ZSWIM9: variants seen among roughly 807,000 people sequenced by gnomAD.
ZSWIM9 encodes uncharacterized protein ZSWIM9.
ZSWIM9 carries 11 observed loss-of-function variants against 25.0 expected under a neutral mutation model. The observed-to-expected ratio is 0.44, with a 90% CI of 0.28 to 0.73. The LOEUF is 0.73. Ranked by LOEUF, ZSWIM9 falls within the 30% of genes least tolerant of loss-of-function variation. The pLI, the probability that ZSWIM9 is intolerant of heterozygous loss-of-function variation, is 0.16. For synonymous variants in ZSWIM9, 562 were observed against 582.1 expected, an observed-to-expected ratio of 0.97 and a Z score of 0.50; for missense variants, 1,070 against 1,296.5, an observed-to-expected ratio of 0.83 and a Z score of 2.68.
At chr19:48,179,183 C>T (rs528947123) in intron 2 of ZSWIM9, among the ~76,000 whole-genome samples, 1 of 151,998 alleles carries the variant, frequency 6.6e-6, no homozygotes, top group South Asian at 2.1e-4. Context: ...TTTTTTGAGA[C>T]AAGGTCTTGC....
At chr19:48,180,094 G>A (rs538192476) in intron 2 of ZSWIM9, among the ~76,000 whole-genome samples, 3 of 152,106 alleles carry the variant, frequency 2.0e-5, no homozygotes, top group East Asian at 3.9e-4. Context: ...TCGGCTCACC[G>A]CAACGTCCGC....
At chr19:48,192,591 A>G (rs547127274) in intron 3 of ZSWIM9, among the ~76,000 whole-genome samples, 24 of 146,126 alleles carry the variant, frequency 1.6e-4, no homozygotes, top group African/African-American at 6.1e-4. Context: ...TCTCCCACCT[A>G]CTGCTTTTGT....
chr19:48,172,009 C>T lies in ZSWIM9; in HGVS notation c.207C>T (p.Asp69=), dbSNP rs375636205. Residue 69 remains aspartate, a synonymous_variant, in exon 2 of 4, where the codon GAC becomes GAT. Coordinates refer to ENST00000614654, the MANE Select transcript of ZSWIM9 (RefSeq NM_199341.4). ...ASAPPLYTLI[D]VLKYSYVRLV... ...CGCCCCCGCTCTACACGCTCATCGACGTGCTCAAGTACAGCTACGTGCGGC... is the reference window on the plus strand; with the variant it reads ...CGCCCCCGCTCTACACGCTCATCGATGTGCTCAAGTACAGCTACGTGCGGC... 5.2e-6 allele frequency: 8 copies of T among 1,535,704 alleles called. No individual in the cohort carries two copies. The East Asian group carries it at 1.2e-4, about 23-fold the overall frequency.
In ZSWIM9 at chr19:48,196,743, C is replaced by G; in HGVS notation, c.2679C>G (p.Leu893=). Residue 893 remains leucine, a synonymous_variant, in exon 4 of 4, where the codon CTC becomes CTG. Transcript: ENST00000614654. ...HAARRLPCRH[L]FAARLLTGAA... ...CCCGCCGTCTGCCCTGCAGACACCT[C>G]TTTGCAGCGCGCCTCCTCACTGGGG... The G allele has an allele frequency of 3.2e-6, 4 of 1,233,564 alleles. No homozygotes were observed. The South Asian group carries it at 1.6e-4, about 51-fold the overall frequency. The allele number at this position is 1,233,564 out of a possible 1,614,324, so 76.4% of individuals were successfully genotyped here.
intron 3 of ZSWIM9, among the ~76,000 whole-genome samples, chr19:48,188,351 T>C (rs2037055456): frequency 6.6e-6 from 1 of 151,924 alleles, no homozygotes; most frequent in Non-Finnish European, 1.5e-5. Context: ...GCCTCTTGAG[T>C]AGCTGGGACT....
chr19:48,177,267 T>C (rs274875), intron 2 of ZSWIM9, among the ~76,000 whole-genome samples: 9,665 of 151,796 alleles, frequency 0.064, 659 homozygotes, highest in East Asian at 0.18. Flanking sequence ...GTTGTGGCAA[T>C]GGAAAAAATG....
rs1446112844 is a variant in ZSWIM9, at chr19:48,187,957, T to TAGAC, written c.588+5193_588+5194insCAGA. ...CCCTTTAAATAGATAGATAGATAGATAGATAGATAGATAGATAGATAGATA... is the reference window on the plus strand; with the variant it reads ...CCCTTTAAATAGATAGATAGATAGATAGACAGATAGATAGATAGATAGATAGATA... On this transcript the variant is annotated intron_variant, in intron 3 of 3. Coordinates refer to ENST00000614654, the MANE Select transcript of ZSWIM9 (RefSeq NM_199341.4). Among the ~76,000 whole-genome samples the TAGAC allele has an allele frequency of 1.9e-3, 267 of 144,268 alleles. 1 individual carries two copies. The highest frequency in any genetic ancestry group is 6.8e-3 in the African/African-American group (241 of 35,208). 94.6% of individuals were successfully genotyped at this position (144,268 alleles called of 152,430 possible). A position where few individuals can be genotyped will look rare whatever the true frequency, so the allele number is the denominator to read the frequency against.
At chr19:48,178,764 CA>C (rs2036919325) in intron 2 of ZSWIM9, among the ~76,000 whole-genome samples, 2 of 152,074 alleles carry the variant, frequency 1.3e-5, no homozygotes, top group African/African-American at 4.8e-5. Context: ...TTAGTAGAGA[CA>C]GGGTTTCCCC....
At chr19:48,187,441 T>TTA in intron 3 of ZSWIM9, among the ~76,000 whole-genome samples, 1 of 102,862 alleles carries the variant, frequency 9.7e-6, no homozygotes, top group Non-Finnish European at 1.8e-5. Flanking sequence ...ATATTATATA[T>TTA]ATTATATATT....
At chr19:48,172,148 G>C in intron 2 of ZSWIM9, 71 bp downstream of exon 2, 1 of 1,343,330 alleles carries the variant, frequency 7.4e-7, no homozygotes, top group Non-Finnish European at 1.0e-6. Flanking sequence ...GTGGGAGACG[G>C]GCAGAGAACA....
chr19:48,197,406 G>C lies in ZSWIM9; in HGVS notation c.*579G>C. The C allele has an allele frequency of 1.6e-6, 1 of 631,740 alleles. No homozygotes were observed. Among genetic ancestry groups the C allele is most frequent in the Non-Finnish European group, 2.8e-6 (1 of 353,500 alleles). The allele number at this position is 631,740 out of a possible 1,614,324, so 39.1% of individuals were successfully genotyped here. On this transcript the variant is annotated 3_prime_UTR_variant, in exon 4 of 4. Transcript: ENST00000614654. Reference sequence around the variant, plus strand: ...GGATGTAGGAGGGGGAAGAAAAATCGGAGATGAGACAAAAGAAATGTGTGG... The same window carrying C: ...GGATGTAGGAGGGGGAAGAAAAATCCGAGATGAGACAAAAGAAATGTGTGG...
chr19:48,191,909 C>G (rs2037098392), intron 3 of ZSWIM9: 1 of 154,758 alleles, frequency 6.5e-6, no homozygotes, highest in African/African-American at 2.4e-5. Flanking sequence ...CAAATCCCAG[C>G]TCACCTGGTA....
chr19:48,186,173 A>T (rs911506389), intron 3 of ZSWIM9, among the ~76,000 whole-genome samples: 6 of 152,208 alleles, frequency 3.9e-5, no homozygotes, highest in Admixed American at 3.3e-4. Flanking sequence ...GCAGCTCTGC[A>T]CATATACAGG....
chr19:48,195,307 C>G lies in ZSWIM9; in HGVS notation c.1243C>G (p.Arg415Gly). 6.5e-7 allele frequency: 1 copy of G among 1,530,614 alleles called. No individual in the cohort carries two copies. The highest frequency in any genetic ancestry group is 1.2e-5 in the South Asian group (1 of 83,834). The allele number at this position is 1,530,614 out of a possible 1,614,324, so 94.8% of individuals were successfully genotyped here. The change falls in exon 4 of 4, where the codon CGT (arginine) becomes GGT (glycine). Residue 415 changes from arginine (R) to glycine (G), a missense_variant. By Grantham distance (125) the Arg-to-Gly change is moderately radical. This residue lies in a region of ZSWIM9 where 184 missense variants were observed against 243.1 expected (regional missense o/e 0.76). Coordinates refer to ENST00000614654, the MANE Select transcript of ZSWIM9 (RefSeq NM_199341.4). This position sits in a 1 kb window ranked among gnomAD's most constrained non-coding sequence, Gnocchi z 5.8. ...GCGAGGCCACCGCCGGCGACTGCTG[C>G]GTCGTCTCAGCCCCTCGCGTGGCGT... ...LVRGHRRRLL[R>G]RLSPSRGVAQ... is the part of the protein sequence containing the mutation.
intron 3 of ZSWIM9, among the ~76,000 whole-genome samples, chr19:48,186,916 A>G (rs2123320615): frequency 6.6e-6 from 1 of 152,278 alleles, no homozygotes; most frequent in East Asian, 1.9e-4. Flanking sequence ...CTGTCTACAG[A>G]ATAAACCCCC....
intron 2 of ZSWIM9, among the ~76,000 whole-genome samples, chr19:48,177,749 C>CGG (rs1464052858): frequency 3.3e-5 from 5 of 152,288 alleles, no homozygotes; most frequent in Non-Finnish European, 7.3e-5. Flanking sequence ...GAAAAATGTA[C>CGG]GGGGTGGCAT....
chr19:48,173,787 C>T (rs2036865670), intron 2 of ZSWIM9, among the ~76,000 whole-genome samples: 2 of 152,136 alleles, frequency 1.3e-5, no homozygotes, highest in Non-Finnish European at 2.9e-5. Context: ...CAGGCATGCG[C>T]CACCATGCCC....
intron 3 of ZSWIM9, among the ~76,000 whole-genome samples, chr19:48,193,995 C>A (rs1326442773): frequency 6.6e-6 from 1 of 152,060 alleles, no homozygotes; most frequent in African/African-American, 2.4e-5. Flanking sequence ...ATGTTCAGTG[C>A]CTAGAAGGGA....
chr19:48,180,165 C>T lies in ZSWIM9; in HGVS notation c.276-2290C>T, dbSNP rs535978203. Reference sequence around the variant, plus strand: ...CCAAGTAGCTGGGATTACAGGCATGCACCACCACGCCTGGCTAATTTTGTA... The same window carrying T: ...CCAAGTAGCTGGGATTACAGGCATGTACCACCACGCCTGGCTAATTTTGTA... On this transcript the variant is annotated intron_variant, in intron 2 of 3. Transcript: ENST00000614654. Among the ~76,000 whole-genome samples the T allele has an allele frequency of 9.9e-5, 15 of 152,152 alleles. No individual in the cohort carries two copies. In the East Asian group the frequency reaches 2.5e-3, roughly 25 times the overall value.
Sources: gnomAD v4.1 joint callset for allele counts (sites outside exome capture counted in the v4.1 genomes callset) on GRCh38, gnomAD v4.1.1 for gene constraint, gnomAD v4.1.1 regional missense constraint, Gnocchi (gnomAD v3.1) non-coding constraint, MANE v1.5 for transcripts, NCBI Gene and HGNC (gene_info 2026-07-23, HGNC 2026-07-21) for gene names.